Variants in ZSWIM6 observed in about 807,000 individuals in gnomAD.
ZSWIM6 encodes zinc finger SWIM-type containing 6, also known as zinc finger SWIM domain-containing protein 6.
In ZSWIM6, 9 loss-of-function variants were observed where a neutral mutation model predicts 113.2. The ratio of observed to expected loss-of-function variants is 0.08; its 90% CI spans 0.05 to 0.14. ZSWIM6 has a LOEUF of 0.14. Among genes scored for constraint, ZSWIM6 ranks in the 10% least tolerant of loss-of-function variants. The pLI, the probability that ZSWIM6 is intolerant of heterozygous loss-of-function variation, is 1.00. For missense variants in ZSWIM6, 1,162 were observed against 1,552.2 expected (o/e 0.75, Z 4.22); for synonymous variants, 611 against 606.5 (o/e 1.01, Z -0.11).
chr5:61,486,141 C>CT lies in ZSWIM6; in HGVS notation c.1034-4644dup, dbSNP rs1460575787. 3.3e-5 allele frequency among the ~76,000 whole-genome samples: 5 copies of CT among 152,102 alleles called. No homozygotes were observed. The East Asian group carries it at 7.7e-4, about 23-fold the overall frequency. ...TCCAACTCTTCCAAGTCTTCATTGT[C>CT]TATCATTCCACACACTCCATGCCCT... is the stretch of plus-strand genomic sequence containing the variant. On this transcript the variant is annotated intron_variant, in intron 2 of 13. Transcript: ENST00000252744.
At chr5:61,374,556 ATTTATTTTATTTTT>A in intron 1 of ZSWIM6, among the ~76,000 whole-genome samples, 1 of 152,018 alleles carries the variant, frequency 6.6e-6, no homozygotes, top group Middle Eastern at 3.4e-3. Context: ...ATTTTATTTT[ATTTATTTTATTTTT>A]TGAGATGGAG....
intron 1 of ZSWIM6, among the ~76,000 whole-genome samples, chr5:61,455,006 T>C (rs1331967437): frequency 1.3e-5 from 2 of 152,044 alleles, no homozygotes; most frequent in Non-Finnish European, 2.9e-5. Context: ...GTTCCCTTTC[T>C]TGGGGAGTAG....
rs942549683 is a variant in ZSWIM6, at chr5:61,374,698, C to T, written c.676+41750C>T. ...CCTCCCGAGTAGCTGGGACTACAGG[C>T]GCTCGCCACCACGCCCGGCTGATTT... On this transcript the variant is annotated intron_variant, in intron 1 of 13. Transcript: ENST00000252744. Among the ~76,000 whole-genome samples, 4 of 151,972 alleles carry T rather than the reference C, an allele frequency of 2.6e-5. No individual in the cohort carries two copies. In the East Asian group the frequency reaches 7.7e-4, roughly 29 times the overall value.
At chr5:61,419,793 C>T (rs1476600481) in intron 1 of ZSWIM6, among the ~76,000 whole-genome samples, 4 of 152,168 alleles carry the variant, frequency 2.6e-5, no homozygotes, top group Admixed American at 2.6e-4. Flanking sequence ...GTTTGTGGCC[C>T]TTGCCTTCTG....
intron 1 of ZSWIM6, among the ~76,000 whole-genome samples, chr5:61,441,648 C>T (rs1431825921): frequency 5.9e-5 from 9 of 152,122 alleles, no homozygotes; most frequent in Admixed American, 3.3e-4. Context: ...GGGCCAGGTA[C>T]GGATGCGGAG....
At chr5:61,387,928 C>T (rs931568915) in intron 1 of ZSWIM6, among the ~76,000 whole-genome samples, 2 of 149,406 alleles carry the variant, frequency 1.3e-5, no homozygotes, top group African/African-American at 4.9e-5. Flanking sequence ...GGGAGAAAAG[C>T]ACTTTCCTAC....
At position 61,373,886 on chromosome 5, in the gene ZSWIM6, T is replaced by A. The variant is rs76749324; in HGVS notation, c.676+40938T>A. On this transcript the variant is annotated intron_variant, in intron 1 of 13. Coordinates refer to ENST00000252744, the MANE Select transcript of ZSWIM6 (RefSeq NM_020928.2). ...GAAATGAAAGTTTAAAAATATTGCT[T>A]GTAAAATTATTCTTCATTTTAATGT... Among the ~76,000 whole-genome samples, 594 of 152,346 alleles carry A rather than the reference T, an allele frequency of 3.9e-3. 13 individuals carry two copies. The highest frequency in any genetic ancestry group is 0.027 in the Admixed American group (416 of 15,308).
At chr5:61,497,106 G>GA (rs34912981) in intron 4 of ZSWIM6, among the ~76,000 whole-genome samples, 27,326 of 119,624 alleles carry the variant, frequency 0.23, 2,790 homozygotes, top group South Asian at 0.37. Context: ...AGTACACCAG[G>GA]AAAAAAAAAA....
chr5:61,370,837 TAAAA>T (rs1745247796), intron 1 of ZSWIM6, among the ~76,000 whole-genome samples: 2 of 152,128 alleles, frequency 1.3e-5, no homozygotes. Flanking sequence ...AACAGCAAAA[TAAAA>T]AACTAAAGAA....
At chr5:61,505,609 T>A (rs1304029888) in intron 4 of ZSWIM6, among the ~76,000 whole-genome samples, 8 of 37,908 alleles carry the variant, frequency 2.1e-4, no homozygotes, top group Non-Finnish European at 3.8e-4. Context: ...TTACCTTCCT[T>A]CCTTCCTTCC....
At chr5:61,374,972 A>G (rs1011574460) in intron 1 of ZSWIM6, 6 of 858,312 alleles carry the variant, frequency 7.0e-6, no homozygotes, top group African/African-American at 3.4e-5. Flanking sequence ...TAAAATTAAT[A>G]TAGAAATGAG....
At chr5:61,479,559 C>G (rs918492278) in intron 2 of ZSWIM6, among the ~76,000 whole-genome samples, 4 of 152,186 alleles carry the variant, frequency 2.6e-5, no homozygotes, top group African/African-American at 4.8e-5. Context: ...CCTCCAATCT[C>G]TCCAGGTTGA....
At chr5:61,504,139 T>A (rs1748541150) in intron 4 of ZSWIM6, among the ~76,000 whole-genome samples, 1 of 152,188 alleles carries the variant, frequency 6.6e-6, no homozygotes, top group Admixed American at 6.5e-5. Flanking sequence ...CTGAAAACAA[T>A]GATTGAAAGG....
At chr5:61,416,839 C>G (rs1043368125) in intron 1 of ZSWIM6, among the ~76,000 whole-genome samples, 1 of 152,126 alleles carries the variant, frequency 6.6e-6, no homozygotes, top group Middle Eastern at 3.2e-3. Context: ...AGAAAGACAA[C>G]AAAATAGTGC....
intron 1 of ZSWIM6, among the ~76,000 whole-genome samples, chr5:61,346,959 G>C (rs948523158): frequency 5.3e-5 from 8 of 152,188 alleles, no homozygotes; most frequent in African/African-American, 1.7e-4. Flanking sequence ...AAAAAGTACA[G>C]ATTCAAGTTT....
rs141451970 is a variant in ZSWIM6 at position 61,475,700 on chromosome 5, G to A, written c.1033+2663G>A. Among the ~76,000 whole-genome samples, 910 of 152,288 alleles carry A rather than the reference G, an allele frequency of 6.0e-3. 8 individuals carry two copies. Among genetic ancestry groups the A allele is most frequent in the Middle Eastern group, 0.01 (3 of 294 alleles). ...TGACAAGTGGTAAAAAAGAAGAGAGGTAGGAAGCAAGCCACGGTGACCTTA... is the reference window on the plus strand; with the variant it reads ...TGACAAGTGGTAAAAAAGAAGAGAGATAGGAAGCAAGCCACGGTGACCTTA... On this transcript the variant is annotated intron_variant, in intron 2 of 13. Transcript: ENST00000252744.
At chr5:61,424,050 CCT>C in intron 1 of ZSWIM6, among the ~76,000 whole-genome samples, 1 of 152,276 alleles carries the variant, frequency 6.6e-6, no homozygotes, top group East Asian at 1.9e-4. Flanking sequence ...AGCAAGGATG[CCT>C]CTGAGTTGCT....
At chr5:61,348,913 G>C (rs994104695) in intron 1 of ZSWIM6, among the ~76,000 whole-genome samples, 1 of 152,022 alleles carries the variant, frequency 6.6e-6, no homozygotes, top group Non-Finnish European at 1.5e-5. Context: ...ACTGACCCTC[G>C]CCTGATTCAC....
chr5:61,357,686 G>A (rs1230412906), intron 1 of ZSWIM6, among the ~76,000 whole-genome samples: 1 of 151,878 alleles, frequency 6.6e-6, no homozygotes, highest in Admixed American at 6.6e-5. Flanking sequence ...AGTAATTACA[G>A]TTTAAAACAA....
Sources: allele counts gnomAD v4.1 joint callset (sites outside exome capture counted in the v4.1 genomes callset), GRCh38; gene constraint gnomAD v4.1.1; transcripts MANE v1.5; gene names NCBI Gene and HGNC (gene_info 2026-07-23, HGNC 2026-07-21).